DNAH2: variants seen among roughly 807,000 people sequenced by gnomAD.
DNAH2 encodes dynein axonemal heavy chain 2.
In DNAH2, 323 loss-of-function variants were observed where a neutral mutation model predicts 523.5. That is an observed-to-expected ratio of 0.62 (90% confidence interval 0.56 to 0.68). The LOEUF (loss-of-function observed/expected upper bound fraction) is 0.68, where lower values mean the gene tolerates loss of function less well. Among genes scored for constraint, DNAH2 ranks in the 30% least tolerant of loss-of-function variants. The probability of loss-of-function intolerance (pLI) is 0.00; values close to 1 mark genes in which losing one functional copy is unlikely to be tolerated. For synonymous variants in DNAH2, 2,093 were observed against 2,177.4 expected (o/e 0.96, Z 1.08); for missense variants, 4,907 against 5,701.5 (o/e 0.86, Z 4.49).
At chr17:7,782,781 CAT>C (rs2076634711) in intron 39 of DNAH2, among the ~76,000 whole-genome samples, 1 of 151,906 alleles carries the variant, frequency 6.6e-6, no homozygotes, top group South Asian at 2.1e-4. Flanking sequence ...GCCTGGGTAA[CAT>C]AGCAAGACCT....
chr17:7,744,111 TG>T (rs911460339), intron 12 of DNAH2, among the ~76,000 whole-genome samples: 1 of 151,978 alleles, frequency 6.6e-6, no homozygotes, highest in African/African-American at 2.4e-5. Context: ...CTGGCCAGCA[TG>T]GCGAAACCCT....
At chr17:7,768,786 C>T (rs1438687103) in intron 24 of DNAH2, among the ~76,000 whole-genome samples, 1 of 152,142 alleles carries the variant, frequency 6.6e-6, no homozygotes, top group Non-Finnish European at 1.5e-5. Context: ...CATATGAGTG[C>T]GATCATGCGG....
intron 77 of DNAH2, among the ~76,000 whole-genome samples, chr17:7,829,710 C>T (rs1021071247): frequency 8.5e-5 from 13 of 152,092 alleles, no homozygotes; most frequent in African/African-American, 3.1e-4. Context: ...CCACTGAGAA[C>T]ATCAGGGCCG....
rs1016961470 is a variant in DNAH2, at chr17:7,796,387, G to A, written c.7675-77G>A. Reference sequence around the variant, plus strand: ...TGACACCCCCTTAAATTGTGCCCATGAGCCAAGCTCTTTATTGGCTTCCCC... The same window carrying A: ...TGACACCCCCTTAAATTGTGCCCATAAGCCAAGCTCTTTATTGGCTTCCCC... On this transcript the variant is annotated intron_variant, in intron 49 of 85. Transcript: ENST00000572933. The A allele has an allele frequency of 4.0e-6, 6 of 1,518,666 alleles. No individual in the cohort carries two copies. In the African/African-American group the frequency reaches 7.0e-5, roughly 18 times the overall value. The allele number at this position is 1,518,666 out of a possible 1,614,324, so 94.1% of individuals were successfully genotyped here.
chr17:7,823,696 C>T (rs1170866843), intron 74 of DNAH2, 68 bp downstream of exon 74: 1 of 1,585,508 alleles, frequency 6.3e-7, no homozygotes, highest in East Asian at 2.2e-5. Context: ...CCGGCCCTTC[C>T]CATTGTCCTC....
chr17:7,832,555 A>G lies in DNAH2; in HGVS notation c.12727-24A>G, dbSNP rs1430720514. On this transcript the variant is annotated intron_variant, in intron 82 of 85. Coordinates refer to ENST00000572933, the MANE Select transcript of DNAH2 (RefSeq NM_020877.5). The surrounding 1 kb of genome is among the most constrained non-coding windows in gnomAD (Gnocchi z 4.3). The stretch of plus-strand genomic sequence containing the variant: ...ATTTGAATGCACGGCTAAATGAGTG[A>G]ATACACACGCACTCCTTCCCCAGGC... 6.2e-7 allele frequency: 1 copy of G among 1,609,362 alleles called. No homozygotes were observed. Among genetic ancestry groups the G allele is most frequent in the Non-Finnish European group, 8.5e-7 (1 of 1,177,732 alleles).
At chr17:7,746,649 A>G (rs1241232436) in intron 12 of DNAH2, among the ~76,000 whole-genome samples, 1 of 152,204 alleles carries the variant, frequency 6.6e-6, no homozygotes, top group Non-Finnish European at 1.5e-5. Context: ...TGACAAAAAC[A>G]CTACATGCTC....
Position 7,754,964 on chromosome 17 carries a change from C to CAA in DNAH2, c.1905-2126_1905-2125insAA. 3.2e-6 allele frequency: 1 copy of CAA among 314,630 alleles called. No individual in the cohort carries two copies. The highest frequency in any genetic ancestry group is 1.4e-4 in the South Asian group (1 of 7,136). 19.5% of individuals were successfully genotyped at this position (314,630 alleles called of 1,614,324 possible). On this transcript the variant is annotated intron_variant, in intron 12 of 85. Coordinates refer to ENST00000572933, the MANE Select transcript of DNAH2 (RefSeq NM_020877.5). The surrounding 1 kb of genome is among the most constrained non-coding windows in gnomAD (Gnocchi z 4.6). ...GCTATTGGTACAAATAAGCCTGAGGCAGAAAAAAAAAAAAAAAGAATAGGC... is the reference window on the plus strand; with the variant it reads ...GCTATTGGTACAAATAAGCCTGAGGCAAAGAAAAAAAAAAAAAAAGAATAGGC...
In DNAH2 at chr17:7,754,940, C is replaced by A; in HGVS notation, c.1905-2151C>A. On this transcript the variant is annotated intron_variant, in intron 12 of 85. Coordinates refer to ENST00000572933, the MANE Select transcript of DNAH2 (RefSeq NM_020877.5). This position sits in a 1 kb window ranked among gnomAD's most constrained non-coding sequence, Gnocchi z 4.6. The stretch of plus-strand genomic sequence containing the variant: ...TGCATGGGGCTGGGGTCCTCCTGCG[C>A]TATTGGTACAAATAAGCCTGAGGCA... The A allele has an allele frequency of 2.2e-6, 1 of 449,454 alleles. No homozygotes were observed. Among genetic ancestry groups the A allele is most frequent in the Non-Finnish European group, 4.0e-6 (1 of 252,610 alleles). 27.8% of individuals were successfully genotyped at this position (449,454 alleles called of 1,614,324 possible).
At chr17:7,745,793 CAAAAAAAA>C (rs5819164) in intron 12 of DNAH2, among the ~76,000 whole-genome samples, 1 of 123,792 alleles carries the variant, frequency 8.1e-6, no homozygotes. Flanking sequence ...CTGTCTCAAA[CAAAAAAAA>C]AAAAAAAAAG....
chr17:7,817,559 A>G lies in DNAH2; in HGVS notation c.10021-2A>G. 1.2e-6 allele frequency: 2 copies of G among 1,614,098 alleles called. No homozygotes were observed. Among genetic ancestry groups the G allele is most frequent in the Non-Finnish European group, 1.7e-6 (2 of 1,180,000 alleles). On this transcript the variant is annotated splice_acceptor_variant, in intron 65 of 85. Coordinates refer to ENST00000572933, the MANE Select transcript of DNAH2 (RefSeq NM_020877.5). LOFTEE classifies it high-confidence loss of function. ...TAAAGCATGGGGCTTTTCTCTCCCCAGATCTGGGAGCTTCAGGTTCCTTGC... is the reference window on the plus strand; with the variant it reads ...TAAAGCATGGGGCTTTTCTCTCCCCGGATCTGGGAGCTTCAGGTTCCTTGC...
rs2077679546 is a variant in DNAH2 at position 7,816,755 on chromosome 17, C to A, written c.9894+20C>A. The A allele has an allele frequency of 6.2e-7, 1 of 1,610,592 alleles. No homozygotes were observed. Among genetic ancestry groups the A allele is most frequent in the East Asian group, 2.2e-5 (1 of 44,840 alleles). On this transcript the variant is annotated intron_variant, in intron 64 of 85. Coordinates refer to ENST00000572933, the MANE Select transcript of DNAH2 (RefSeq NM_020877.5). ...GTCCAGGTGAGATCAGCTGTACTAC[C>A]TGGTGTCCTTTCACTCTGCTCGCCA...
rs1238683952 is a variant in DNAH2, at chr17:7,819,266, G to A, written c.10873G>A (p.Gly3625Ser). The A allele has an allele frequency of 1.2e-6, 2 of 1,614,150 alleles. No individual in the cohort carries two copies. The highest frequency in any genetic ancestry group is 1.7e-6 in the Non-Finnish European group (2 of 1,180,050). ...SILFFVLNDM[G>S]CIDPMYQFSL... ...CCTGTTCTTCGTGCTCAATGATATG[G>A]GCTGCATCGACCCCATGTACCAGTT... Residue 3625 changes from glycine (G) to serine (S), a missense_variant, in exon 72 of 86, where the codon GGC (glycine) becomes AGC (serine). Physicochemically the swap from Gly to Ser is moderately conservative, Grantham distance 56. Transcript: ENST00000572933.
chr17:7,780,642 A>G lies in DNAH2; in HGVS notation c.5863A>G (p.Lys1955Glu). 6.2e-7 allele frequency: 1 copy of G among 1,614,112 alleles called. No individual in the cohort carries two copies. Among genetic ancestry groups the G allele is most frequent in the Non-Finnish European group, 8.5e-7 (1 of 1,180,026 alleles). Residue 1955 changes from lysine to glutamate, a missense_variant, in exon 38 of 86, where the codon AAG becomes GAG. Coordinates refer to ENST00000572933, the MANE Select transcript of DNAH2 (RefSeq NM_020877.5). The surrounding 1 kb of genome is among the most constrained non-coding windows in gnomAD (Gnocchi z 4.4). ...TTTGGTTCCCCAGATTCTGGCCAAG[A>G]AGGTGTACACACTCTACTCACTGGC... ...GFGNCKILAKKVYTLYSLAVQ... is the reference protein window; with the variant it reads ...GFGNCKILAKEVYTLYSLAVQ...
rs1567770213 is a variant in DNAH2 at position 7,830,524 on chromosome 17, C to T, written c.12045+33C>T. Reference sequence around the variant, plus strand: ...TTAGCCAGGGGTCCTCATCCCAGCCCTCTCTCCTTACACGTCCTACCCCAT... The same window carrying T: ...TTAGCCAGGGGTCCTCATCCCAGCCTTCTCTCCTTACACGTCCTACCCCAT... On this transcript the variant is annotated intron_variant, in intron 78 of 85. Coordinates refer to ENST00000572933, the MANE Select transcript of DNAH2 (RefSeq NM_020877.5). 3 of 1,611,044 alleles carry T rather than the reference C, an allele frequency of 1.9e-6. No individual in the cohort carries two copies. In the Admixed American group the frequency reaches 5.0e-5, roughly 27 times the overall value.
intron 63 of DNAH2, among the ~76,000 whole-genome samples, chr17:7,810,548 C>T (rs1191515658): frequency 6.6e-6 from 1 of 151,944 alleles, no homozygotes; most frequent in Non-Finnish European, 1.5e-5. Context: ...GCCACCACGC[C>T]CGGCTAATTT....
chr17:7,741,236 CTCTT>C (rs71387996), intron 11 of DNAH2, among the ~76,000 whole-genome samples: 909 of 85,584 alleles, frequency 0.011, 14 homozygotes, highest in Non-Finnish European at 0.017. Context: ...TTTTCTCTCT[CTCTT>C]TCTTTCTTTC....
intron 50 of DNAH2, 72 bp from the exon 51 acceptor site, chr17:7,797,101 CAAA>C (rs75682576): frequency 0.016 from 13,548 of 864,460 alleles, 98 homozygotes; most frequent in African/African-American, 0.095. Flanking sequence ...GACTCTGTCC[CAAA>C]AAAAAAAAAA....
At chr17:7,799,282 G>T in intron 56 of DNAH2, 40 bp downstream of exon 56, 1 of 1,607,962 alleles carries the variant, frequency 6.2e-7, no homozygotes. Flanking sequence ...CCTTCTGTGT[G>T]CTCCCTCACC....
Sources: allele counts gnomAD v4.1 joint callset (sites outside exome capture counted in the v4.1 genomes callset), GRCh38; gene constraint gnomAD v4.1.1; non-coding constraint Gnocchi (gnomAD v3.1); transcripts MANE v1.5; gene names NCBI Gene and HGNC (gene_info 2026-07-23, HGNC 2026-07-21).